Variants in RARB observed in about 807,000 individuals in gnomAD.
RARB encodes the protein retinoic acid receptor beta, also known as HBV-activated protein.
In RARB, 17 loss-of-function variants were observed where a neutral mutation model predicts 51.9. The observed-to-expected ratio is 0.33, with a 90% CI of 0.22 to 0.49. The LOEUF is 0.49. RARB is among the 20% of genes least tolerant of loss of function. RARB has a pLI of 0.99. For synonymous variants in RARB, 215 were observed against 195.4 expected, an observed-to-expected ratio of 1.10 and a Z score of -0.84; for missense variants, 369 against 550.8, an observed-to-expected ratio of 0.67 and a Z score of 3.30.
intron 2 of RARB, among the ~76,000 whole-genome samples, chr3:25,026,260 G>C (rs1441634810): frequency 6.6e-6 from 1 of 152,150 alleles, no homozygotes; most frequent in Non-Finnish European, 1.5e-5. Flanking sequence ...AGTCTGCTAG[G>C]GTTACTCTAG....
At chr3:25,024,734 C>T (rs4858682) in intron 2 of RARB, among the ~76,000 whole-genome samples, 7 of 151,802 alleles carry the variant, frequency 4.6e-5, no homozygotes, top group African/African-American at 1.7e-4. Flanking sequence ...GGCCAGATCA[C>T]TTGAGCTCAG....
At chr3:25,123,900 A>G (rs1017372249) in intron 3 of RARB, among the ~76,000 whole-genome samples, 4 of 152,204 alleles carry the variant, frequency 2.6e-5, no homozygotes, top group Admixed American at 6.6e-5. Context: ...TAAAAAGTCA[A>G]TAGCAAGCAT....
intron 2 of RARB, among the ~76,000 whole-genome samples, chr3:24,984,645 T>C (rs1487880656): frequency 1.3e-5 from 2 of 152,250 alleles, no homozygotes; most frequent in African/African-American, 2.4e-5. Context: ...GTTGCATTTA[T>C]GTATTTTGAA....
chr3:25,005,012 C>T (rs899763455), intron 2 of RARB, among the ~76,000 whole-genome samples: 1 of 152,078 alleles, frequency 6.6e-6, no homozygotes, highest in Non-Finnish European at 1.5e-5. Flanking sequence ...TCCTTTTTCC[C>T]ATACCCTACA....
At chr3:25,402,201 A>G (rs1338205687) in intron 5 of RARB, among the ~76,000 whole-genome samples, 1 of 152,242 alleles carries the variant, frequency 6.6e-6, no homozygotes, top group Non-Finnish European at 1.5e-5. Flanking sequence ...GTTAAAGAAT[A>G]CAATTTGAAT....
chr3:25,254,249 T>C (rs1702802560), intron 5 of RARB, among the ~76,000 whole-genome samples: 1 of 152,206 alleles, frequency 6.6e-6, no homozygotes, highest in South Asian at 2.1e-4. Context: ...GTGTTCCTTA[T>C]GGACTTCAAG....
intron 2 of RARB, among the ~76,000 whole-genome samples, chr3:24,997,987 CTG>C: frequency 6.6e-6 from 1 of 152,162 alleles, no homozygotes; most frequent in Admixed American, 6.6e-5. Flanking sequence ...GATATTCTTT[CTG>C]TATCATTTTT....
chr3:24,934,714 G>A (rs576098402), intron 2 of RARB, among the ~76,000 whole-genome samples: 154 of 152,132 alleles, frequency 1.0e-3, no homozygotes, highest in African/African-American at 3.4e-3. Context: ...AGAAGAAAAT[G>A]CTTGGCCATA....
At chr3:25,455,891 G>A (rs1694880717) in intron 1 of RARB, among the ~76,000 whole-genome samples, 1 of 152,320 alleles carries the variant, frequency 6.6e-6, no homozygotes, top group Non-Finnish European at 1.5e-5. Context: ...AAAAGCAGGA[G>A]ACAAAAAGCA....
At chr3:25,380,902 T>C (rs1706606247) in intron 5 of RARB, among the ~76,000 whole-genome samples, 1 of 152,222 alleles carries the variant, frequency 6.6e-6, no homozygotes, top group East Asian at 1.9e-4. Context: ...TTGTCATGCA[T>C]GTTTAGTTTT....
intron 3 of RARB, among the ~76,000 whole-genome samples, chr3:25,534,123 TAATC>T (rs1401364788): frequency 2.6e-5 from 4 of 152,370 alleles, no homozygotes; most frequent in South Asian, 2.1e-4. Context: ...TATTCTTTTA[TAATC>T]AATCATCAGA....
At chr3:25,366,698 A>T (rs575711943) in intron 5 of RARB, among the ~76,000 whole-genome samples, 6 of 152,324 alleles carry the variant, frequency 3.9e-5, no homozygotes, top group African/African-American at 1.4e-4. Context: ...ATCAATCTAT[A>T]TTGAGTTATG....
At chr3:24,946,263 C>CAAAA (rs201010416) in intron 2 of RARB, among the ~76,000 whole-genome samples, 5 of 116,496 alleles carry the variant, frequency 4.3e-5, no homozygotes, top group Non-Finnish European at 7.4e-5. Context: ...GACTCCATCT[C>CAAAA]AAAAAAAAAA....
At chr3:25,539,088 C>T (rs1699259147) in intron 3 of RARB, among the ~76,000 whole-genome samples, 1 of 152,174 alleles carries the variant, frequency 6.6e-6, no homozygotes, top group Non-Finnish European at 1.5e-5. Flanking sequence ...TCTCTCAATT[C>T]GTACAACCAT....
At chr3:25,012,614 GT>G (rs1338856995) in intron 2 of RARB, among the ~76,000 whole-genome samples, 4 of 152,100 alleles carry the variant, frequency 2.6e-5, no homozygotes, top group Admixed American at 6.6e-5. Flanking sequence ...TGCTTCTGTA[GT>G]TTGGCATATT....
intron 5 of RARB, among the ~76,000 whole-genome samples, chr3:25,384,636 T>C (rs1706740600): frequency 6.6e-6 from 1 of 152,174 alleles, no homozygotes; most frequent in Non-Finnish European, 1.5e-5. Flanking sequence ...GAGGCTGACA[T>C]CCTCCTCACC....
At position 25,109,108 on chromosome 3, in the gene RARB, C is replaced by A. The variant is rs76225085; in HGVS notation, c.-327-23053C>A. On this transcript the variant is annotated intron_variant, in intron 3 of 11. Transcript: ENST00000383772. ...GATAACAATAGCTCTGAAGGTGTTA[C>A]TGATGTAACATGCAAATCACCTAGT... Among the ~76,000 whole-genome samples, 1,201 of 152,246 alleles carry A rather than the reference C, an allele frequency of 7.9e-3. 3 individuals are homozygous for A. The highest frequency in any genetic ancestry group is 0.024 in the Middle Eastern group (7 of 294).
chr3:24,992,658 A>T (rs2125435773), intron 2 of RARB, among the ~76,000 whole-genome samples: 1 of 152,212 alleles, frequency 6.6e-6, no homozygotes, highest in African/African-American at 2.4e-5. Flanking sequence ...GTTTCTTCTG[A>T]AGTCTTTCTC....
intron 2 of RARB, among the ~76,000 whole-genome samples, chr3:25,031,186 C>T (rs1252571590): frequency 6.6e-6 from 1 of 152,148 alleles, no homozygotes; most frequent in African/African-American, 2.4e-5. Context: ...AAATATGTGC[C>T]CATATATTTT....
Sources: gnomAD v4.1 joint callset for allele counts (sites outside exome capture counted in the v4.1 genomes callset) on GRCh38, gnomAD v4.1.1 for gene constraint, MANE v1.5 for transcripts, NCBI Gene and HGNC (gene_info 2026-07-23, HGNC 2026-07-21) for gene names.